The following BARD1 variants were observed in gnomAD, a reference collection of about 807,000 sequenced individuals.
BARD1 encodes BRCA1 associated RING domain 1.
A neutral mutation model predicts 77.0 loss-of-function variants in BARD1; 73 were observed. That is an observed-to-expected ratio of 0.95 (90% CI 0.79 to 1.15). The LOEUF is 1.15. Ranked by LOEUF, BARD1 falls within the 50% of genes most tolerant of loss-of-function variation. BARD1 has a pLI of 0.00. For missense variants in BARD1, 993 were observed against 938.8 expected (o/e 1.06, Z -0.75); for synonymous variants, 384 against 338.0 (o/e 1.14, Z -1.49).
intron 6 of BARD1, among the ~76,000 whole-genome samples, chr2:214,758,818 C>A (rs1413985602): frequency 6.6e-6 from 1 of 152,110 alleles, no homozygotes; most frequent in Non-Finnish European, 1.5e-5. Flanking sequence ...CAGACACCTG[C>A]CTACAATGGT....
At chr2:214,795,442 T>C (rs1324120536) in intron 2 of BARD1, among the ~76,000 whole-genome samples, 3 of 152,042 alleles carry the variant, frequency 2.0e-5, no homozygotes, top group East Asian at 1.9e-4. Context: ...AGGGCAGAGC[T>C]TGGATTTTAT....
At chr2:214,760,539 AT>A (rs1693907021) in intron 6 of BARD1, among the ~76,000 whole-genome samples, 1 of 152,146 alleles carries the variant, frequency 6.6e-6, no homozygotes, top group Non-Finnish European at 1.5e-5. Flanking sequence ...TAAAACCTGG[AT>A]TACTTAGCCC....
chr2:214,766,355 A>C (rs550966087), intron 6 of BARD1, among the ~76,000 whole-genome samples: 3 of 152,250 alleles, frequency 2.0e-5, no homozygotes, highest in Non-Finnish European at 4.4e-5. Flanking sequence ...CTGTTGTAAT[A>C]GTAAATACAC....
In BARD1 at chr2:214,809,487, G is replaced by T; in HGVS notation, c.83C>A (p.Pro28Gln). The change falls in exon 1 of 11, where the codon CCG becomes CAG. Residue 28 changes from proline (P) to glutamine (Q), a missense_variant. Coordinates refer to ENST00000260947, the MANE Select transcript of BARD1 (RefSeq NM_000465.4). ...GTGGGCCCAGGCACCGCGACCATCC[G>T]GTTCCATGGCGGGCGCGGAACGAGG... The part of the protein sequence containing the change: ...NEPRSAPAME[P>Q]DGRGAWAHSR... The T allele has an allele frequency of 6.2e-7, 1 of 1,608,822 alleles. No individual in the cohort carries two copies. The highest frequency in any genetic ancestry group is 8.5e-7 in the Non-Finnish European group (1 of 1,178,608).
intron 3 of BARD1, among the ~76,000 whole-genome samples, chr2:214,783,650 G>A (rs1424616152): frequency 3.3e-5 from 5 of 151,766 alleles, no homozygotes; most frequent in Admixed American, 6.6e-5. Flanking sequence ...TGATAGGTGC[G>A]GCAAACCATT....
rs1338483512 is a variant in BARD1, at chr2:214,727,936, G to A, written c.*740C>T. 3.2e-5 allele frequency: 7 copies of A among 215,530 alleles called. No individual in the cohort carries two copies. The highest frequency in any genetic ancestry group is 1.3e-4 in the African/African-American group (6 of 44,524). The allele number at this position is 215,530 out of a possible 1,614,324, so 13.4% of individuals were successfully genotyped here. A position where few individuals can be genotyped will look rare whatever the true frequency, so the allele number is the denominator to read the frequency against. On this transcript the variant is annotated 3_prime_UTR_variant, in exon 11 of 11. Coordinates refer to ENST00000260947, the MANE Select transcript of BARD1 (RefSeq NM_000465.4). Reference sequence around the variant, plus strand: ...AAATGTGTTAGAGAAAATGCTCTAAGTATATATACACATGTAGTAGATAAA... The same window carrying A: ...AAATGTGTTAGAGAAAATGCTCTAAATATATATACACATGTAGTAGATAAA...
chr2:214,730,415 T>C lies in BARD1; in HGVS notation c.1997A>G (p.Gln666Arg). ...GPRRSRLNRE[Q>R]LLPKLFDGCY... is the part of the protein sequence containing the mutation. ...GTTGTATTAAAAGAAAAATACCAGC[T>C]GTTCTCTGTTGAGCCTGCTTCTGCG... The change falls in exon 10 of 11, where the codon CAG becomes CGG. Residue 666 changes from glutamine to arginine, a missense_variant. Physicochemically the swap from Gln to Arg is conservative, Grantham distance 43. Coordinates refer to ENST00000260947, the MANE Select transcript of BARD1 (RefSeq NM_000465.4). 1 of 1,612,662 alleles carries C rather than the reference T, an allele frequency of 6.2e-7. No homozygotes were observed.
Position 214,781,329 on chromosome 2 carries a change from A to C in BARD1, c.545T>G (p.Phe182Cys), listed in dbSNP as rs878854014. The C allele has an allele frequency of 1.8e-5, 29 of 1,612,842 alleles. No homozygotes were observed. The highest frequency in any genetic ancestry group is 2.1e-5 in the Non-Finnish European group (25 of 1,179,792). The change falls in exon 4 of 11, where the codon TTT becomes TGT. Residue 182 changes from phenylalanine (F) to cysteine (C), a missense_variant. By Grantham distance (205) the Phe-to-Cys change is radical (BLOSUM62 -2). Coordinates refer to ENST00000260947, the MANE Select transcript of BARD1 (RefSeq NM_000465.4). ...ATCTGCAGGAGGACTTGGGGAAACA[A>C]ATTCATATGAGTCTTGCTGAGCACT... ...DASAQQDSYE[F>C]VSPSPPADVS...
At chr2:214,763,488 G>C (rs1323184073) in intron 6 of BARD1, among the ~76,000 whole-genome samples, 2 of 152,152 alleles carry the variant, frequency 1.3e-5, no homozygotes, top group Non-Finnish European at 2.9e-5. Flanking sequence ...CAACCTTGAG[G>C]TCATGAAGAA....
chr2:214,783,802 A>G (rs1695149494), intron 3 of BARD1, among the ~76,000 whole-genome samples: 1 of 152,184 alleles, frequency 6.6e-6, no homozygotes, highest in Non-Finnish European at 1.5e-5. Flanking sequence ...ATGTTGGGAA[A>G]ACTGGCTAGC....
intron 2 of BARD1, among the ~76,000 whole-genome samples, chr2:214,794,032 G>A (rs764840338): frequency 1.3e-5 from 2 of 151,946 alleles, no homozygotes; most frequent in African/African-American, 2.4e-5. Flanking sequence ...CAAGAGAATC[G>A]CTTGAGCCCA....
At chr2:214,739,287 T>C (rs1374817498) in intron 9 of BARD1, among the ~76,000 whole-genome samples, 1 of 152,072 alleles carries the variant, frequency 6.6e-6, no homozygotes, top group Non-Finnish European at 1.5e-5. Context: ...CACTATTCTA[T>C]ATGAAAACAA....
At chr2:214,751,055 T>G (rs2106033200) in intron 7 of BARD1, among the ~76,000 whole-genome samples, 1 of 144,886 alleles carries the variant, frequency 6.9e-6, no homozygotes. Flanking sequence ...CTGAAAGACT[T>G]AGGACACCTT....
intron 3 of BARD1, among the ~76,000 whole-genome samples, chr2:214,784,573 C>A (rs1449753054): frequency 1.3e-5 from 2 of 152,104 alleles, no homozygotes; most frequent in African/African-American, 4.8e-5. Flanking sequence ...AAGACACATG[C>A]ACATGTATGT....
rs948081142 is a variant in BARD1 at position 214,745,912 on chromosome 2, T to G, written c.1678-58A>C. On this transcript the variant is annotated intron_variant, in intron 7 of 10. Coordinates refer to ENST00000260947, the MANE Select transcript of BARD1 (RefSeq NM_000465.4). ...AACATTAGACGACTAGACAAAGACA[T>G]TAAACAGACTGTTACTTGATATAAG... 1.3e-5 allele frequency: 20 copies of G among 1,570,096 alleles called. No individual in the cohort carries two copies. In the African/African-American group the frequency reaches 2.3e-4, roughly 18 times the overall value.
intron 6 of BARD1, among the ~76,000 whole-genome samples, chr2:214,756,999 A>G (rs1227205307): frequency 6.6e-6 from 1 of 152,114 alleles, no homozygotes; most frequent in Middle Eastern, 3.2e-3. Context: ...ATAATAAATA[A>G]ATAAATTAAA....
intron 2 of BARD1, among the ~76,000 whole-genome samples, chr2:214,794,565 G>A (rs1218534464): frequency 7.7e-6 from 1 of 130,534 alleles, no homozygotes; most frequent in Non-Finnish European, 1.6e-5. Flanking sequence ...TGTATTAATG[G>A]GTTTATTATT....
intron 9 of BARD1, among the ~76,000 whole-genome samples, chr2:214,739,166 C>T (rs988807380): frequency 1.3e-5 from 2 of 151,720 alleles, no homozygotes; most frequent in African/African-American, 2.4e-5. Context: ...TGTTATTATT[C>T]TGGAATTAAT....
At chr2:214,791,569 G>A (rs1248586077) in intron 3 of BARD1, among the ~76,000 whole-genome samples, 1 of 152,130 alleles carries the variant, frequency 6.6e-6, no homozygotes, top group African/African-American at 2.4e-5. Context: ...TCAGCAGAAA[G>A]CACAATGGAA....
Sources: allele counts gnomAD v4.1 joint callset (sites outside exome capture counted in the v4.1 genomes callset), GRCh38; gene constraint gnomAD v4.1.1; transcripts MANE v1.5; gene names NCBI Gene and HGNC (gene_info 2026-07-23, HGNC 2026-07-21).